The following DLGAP2 variants were observed in gnomAD, a reference collection of about 807,000 sequenced individuals.
DLGAP2 encodes DLG associated protein 2.
In DLGAP2, 26 loss-of-function variants were observed where a neutral mutation model predicts 100.3. The ratio of observed to expected loss-of-function variants is 0.26; its 90% confidence interval spans 0.19 to 0.36. The LOEUF is 0.36. DLGAP2 is among the 10% of genes least tolerant of loss of function. DLGAP2 has a pLI of 1.00. For synonymous variants in DLGAP2, 886 were observed against 630.1 expected, an observed-to-expected ratio of 1.41 and a Z score of -6.08; for missense variants, 1,858 against 1,453.2, an observed-to-expected ratio of 1.28 and a Z score of -4.53.
intron 2 of DLGAP2, among the ~76,000 whole-genome samples, chr8:1,152,738 G>T (rs147077487): frequency 5.3e-5 from 8 of 152,300 alleles, no homozygotes; most frequent in African/African-American, 1.9e-4. Flanking sequence ...CTTAGAATCA[G>T]CTTCCTCCCA....
rs184429371 is a variant in DLGAP2, at chr8:1,691,641, A to G, written c.2796+15A>G. The G allele has an allele frequency of 8.0e-5, 128 of 1,603,926 alleles. No individual in the cohort carries two copies. In the East Asian group the frequency reaches 1.8e-3, roughly 23 times the overall value. On this transcript the variant is annotated intron_variant, in intron 13 of 14. Coordinates refer to ENST00000637795, the MANE Select transcript of DLGAP2 (RefSeq NM_001346810.2). The stretch of plus-strand genomic sequence containing the variant: ...AACAGAATATGGTAAGTGAATCCTC[A>G]GTGAACCCCTGTTCCCTGTAACCAA...
chr8:1,551,737 G>T (rs763288924), intron 5 of DLGAP2, among the ~76,000 whole-genome samples: 1 of 152,132 alleles, frequency 6.6e-6, no homozygotes, highest in Non-Finnish European at 1.5e-5. Flanking sequence ...AATCCCACAC[G>T]ACAGACAGAT....
At chr8:1,196,728 G>T (rs1166918277) in intron 2 of DLGAP2, among the ~76,000 whole-genome samples, 1 of 152,168 alleles carries the variant, frequency 6.6e-6, no homozygotes, top group Non-Finnish European at 1.5e-5. Flanking sequence ...TGTCAGTGGG[G>T]CTCCAGTAGC....
chr8:1,416,662 T>C (rs2129908400), intron 3 of DLGAP2, among the ~76,000 whole-genome samples: 1 of 152,244 alleles, frequency 6.6e-6, no homozygotes, highest in East Asian at 1.9e-4. Flanking sequence ...TGTTTCTGTG[T>C]TGACATTTCA....
chr8:1,233,780 C>G (rs750802428), intron 2 of DLGAP2, among the ~76,000 whole-genome samples: 1 of 152,182 alleles, frequency 6.6e-6, no homozygotes, highest in Non-Finnish European at 1.5e-5. Context: ...GGGAGCTGTA[C>G]TCCCTACTTG....
At chr8:1,447,056 C>T (rs1302946815) in intron 3 of DLGAP2, among the ~76,000 whole-genome samples, 5 of 152,182 alleles carry the variant, frequency 3.3e-5, no homozygotes, top group Non-Finnish European at 5.9e-5. Context: ...AATTTGACTT[C>T]CTCTTTTCCT....
At chr8:1,421,965 CAAAAA>C (rs564254591) in intron 3 of DLGAP2, among the ~76,000 whole-genome samples, 1 of 150,616 alleles carries the variant, frequency 6.6e-6, no homozygotes, top group African/African-American at 2.4e-5. Context: ...GACTCCATCT[CAAAAA>C]AAAGAAAAAA....
chr8:1,355,082 CG>C lies in DLGAP2; in HGVS notation c.106+96201del, dbSNP rs200246073. ...TGCTGTGGATGAGGGTGGAAAGTCA[CG>C]GATGATTCTGTGGATGAAGGTGGAA... On this transcript the variant is annotated intron_variant, in intron 3 of 14. Transcript: ENST00000637795. 3.5e-4 allele frequency among the ~76,000 whole-genome samples: 53 copies of C among 152,206 alleles called. 1 individual carries two copies. In the East Asian group the frequency reaches 9.3e-3, roughly 27 times the overall value.
chr8:1,668,377 G>C lies in DLGAP2; in HGVS notation c.1859G>C (p.Arg620Pro). 1 of 1,584,322 alleles carries C rather than the reference G, an allele frequency of 6.3e-7. No homozygotes were observed. The highest frequency in any genetic ancestry group is 1.8e-5 in the Admixed American group (1 of 55,622). Residue 620 changes from arginine (R) to proline (P), a missense_variant, in exon 9 of 15, where the codon CGG (arginine) becomes CCG (proline). Arg to Pro is a moderately radical substitution (Grantham distance 103). Transcript: ENST00000637795. Reference protein sequence around the residue: ...YKKTPPPVPPRTTSKPLISVT... With the variant: ...YKKTPPPVPPPTTSKPLISVT... ...AAAACGCCCCCACCGGTGCCCCCTC[G>C]GACCACCTCCAAGCCTCTGATCTCG...
chr8:1,270,694 G>C (rs13249062), intron 3 of DLGAP2, among the ~76,000 whole-genome samples: 5 of 85,868 alleles, frequency 5.8e-5, no homozygotes, highest in Non-Finnish European at 5.4e-5. Context: ...TTATGTCTCT[G>C]TGTGTGTCTC....
intron 2 of DLGAP2, among the ~76,000 whole-genome samples, chr8:1,084,670 C>G (rs1803916956): frequency 6.6e-6 from 1 of 152,202 alleles, no homozygotes; most frequent in South Asian, 2.1e-4. Context: ...GCGTGATATC[C>G]TCCCATTCCA....
chr8:1,530,853 A>C (rs1459740697), intron 4 of DLGAP2, among the ~76,000 whole-genome samples: 2 of 152,222 alleles, frequency 1.3e-5, no homozygotes, highest in South Asian at 2.1e-4. Context: ...CAGCAGAGGT[A>C]GGTGAAGACT....
At chr8:815,694 A>G (rs1401601032) in intron 1 of DLGAP2, among the ~76,000 whole-genome samples, 2 of 152,226 alleles carry the variant, frequency 1.3e-5, no homozygotes, top group African/African-American at 4.8e-5. Context: ...AATGTCTTGA[A>G]TTCTATCCCT....
chr8:987,550 A>G lies in DLGAP2; in HGVS notation c.73+79584A>G, dbSNP rs575201873. ...ATTTTCCAGCCTCTGTTGTTGAACTACTGGTTTTGTGGTTGCCCTGGAAAC... is the reference window on the plus strand; with the variant it reads ...ATTTTCCAGCCTCTGTTGTTGAACTGCTGGTTTTGTGGTTGCCCTGGAAAC... On this transcript the variant is annotated intron_variant, in intron 2 of 14. Coordinates refer to ENST00000637795, the MANE Select transcript of DLGAP2 (RefSeq NM_001346810.2). Among the ~76,000 whole-genome samples, 6 of 152,232 alleles carry G rather than the reference A, an allele frequency of 3.9e-5. No homozygotes were observed. The South Asian group carries it at 6.2e-4, about 16-fold the overall frequency.
chr8:1,477,305 T>G (rs1016139603), intron 3 of DLGAP2, among the ~76,000 whole-genome samples: 6 of 151,886 alleles, frequency 4.0e-5, no homozygotes, highest in Non-Finnish European at 4.4e-5. Flanking sequence ...AGACATGGAG[T>G]GTCCCAGGCC....
intron 2 of DLGAP2, among the ~76,000 whole-genome samples, chr8:954,219 G>A (rs997969935): frequency 9.2e-5 from 14 of 152,066 alleles, no homozygotes; most frequent in Admixed American, 8.5e-4. Context: ...GAGAAAATTC[G>A]AGATCTATTC....
chr8:1,243,458 T>C (rs1273426576), intron 2 of DLGAP2, among the ~76,000 whole-genome samples: 1 of 152,222 alleles, frequency 6.6e-6, no homozygotes, highest in Non-Finnish European at 1.5e-5. Context: ...TGTTCTGGAC[T>C]TGGCCCCTCA....
At chr8:906,395 G>A (rs901892453) in intron 1 of DLGAP2, among the ~76,000 whole-genome samples, 4 of 152,216 alleles carry the variant, frequency 2.6e-5, no homozygotes, top group Non-Finnish European at 4.4e-5. Flanking sequence ...CTCCTGAGGG[G>A]GTGGGTTCTG....
intron 2 of DLGAP2, among the ~76,000 whole-genome samples, chr8:1,101,535 G>C (rs966143156): frequency 3.3e-5 from 5 of 152,152 alleles, no homozygotes; most frequent in Non-Finnish European, 7.3e-5. Context: ...TGGGGGTGGA[G>C]GGGGCATTTC....
Sources: allele counts gnomAD v4.1 joint callset (sites outside exome capture counted in the v4.1 genomes callset), GRCh38; gene constraint gnomAD v4.1.1; transcripts MANE v1.5; gene names NCBI Gene and HGNC (gene_info 2026-07-23, HGNC 2026-07-21).